CMBL: variants seen among roughly 807,000 people sequenced by gnomAD.
The protein encoded by CMBL is carboxymethylenebutenolidase homolog (Pseudomonas).
CMBL carries 17 observed loss-of-function variants against 28.7 expected under a neutral mutation model. The ratio of observed to expected loss-of-function variants is 0.59; its 90% CI spans 0.41 to 0.89. The LOEUF is 0.89. Ranked by LOEUF, CMBL falls within the 40% of genes least tolerant of loss-of-function variation. CMBL has a pLI of 0.00. For missense variants in CMBL, 310 were observed against 298.5 expected, an observed-to-expected ratio of 1.04 and a Z score of -0.28; for synonymous variants, 106 against 101.6, an observed-to-expected ratio of 1.04 and a Z score of -0.26.
intron 4 of CMBL, among the ~76,000 whole-genome samples, chr5:10,284,412 T>TA: frequency 6.6e-6 from 1 of 152,340 alleles, no homozygotes; most frequent in South Asian, 2.1e-4. Context: ...ATCATTAGTA[T>TA]AACTTTATGA....
At chr5:10,288,399 G>A in intron 3 of CMBL, 23 bp downstream of exon 3, 1 of 1,567,902 alleles carries the variant, frequency 6.4e-7, no homozygotes, top group Non-Finnish European at 8.8e-7. Context: ...ACGTGCACAT[G>A]GCCACGTCTG....
At position 10,290,697 on chromosome 5, in the gene CMBL, G is replaced by T; in HGVS notation, c.66C>A (p.Gly22=). 1 of 1,614,180 alleles carries T rather than the reference G, an allele frequency of 6.2e-7. No homozygotes were observed. The highest frequency in any genetic ancestry group is 8.5e-7 in the Non-Finnish European group (1 of 1,180,048). Reference sequence around the variant, plus strand: ...TGATGTGCTCGACTTGAACTTCACGGCCTAGCCCTCCATACTCAAGTCTGT... The same window carrying T: ...TGATGTGCTCGACTTGAACTTCACGTCCTAGCCCTCCATACTCAAGTCTGT... ...IGHRLEYGGL[G]REVQVEHIKA... is the part of the protein sequence containing the mutation. The change falls in exon 2 of 6, where the codon GGC becomes GGA. Residue 22 remains glycine, a synonymous_variant. Transcript: ENST00000296658.
At chr5:10,304,851 A>G (rs550606466) in intron 1 of CMBL, among the ~76,000 whole-genome samples, 168 of 152,284 alleles carry the variant, frequency 1.1e-3, no homozygotes, top group Non-Finnish European at 1.6e-3. Context: ...TTACAGATCT[A>G]TCAGATCTGC....
At chr5:10,291,609 C>T (rs886594611) in intron 1 of CMBL, among the ~76,000 whole-genome samples, 4 of 151,132 alleles carry the variant, frequency 2.6e-5, no homozygotes, top group African/African-American at 7.3e-5. Flanking sequence ...TGCAGTGAGC[C>T]GAGATCGCGC....
intron 4 of CMBL, among the ~76,000 whole-genome samples, chr5:10,285,918 C>T (rs1280916715): frequency 6.6e-6 from 1 of 151,944 alleles, no homozygotes; most frequent in African/African-American, 2.4e-5. Flanking sequence ...AGGCTGGTCT[C>T]GAACTCCTGA....
chr5:10,282,191 A>G lies in CMBL; in HGVS notation c.558+6T>C, dbSNP rs1036535926. Reference sequence around the variant, plus strand: ...ATAAATACGAAGAGAAAAGATGCCAACTTACGTCCTTGAGTGGAATCACAA... The same window carrying G: ...ATAAATACGAAGAGAAAAGATGCCAGCTTACGTCCTTGAGTGGAATCACAA... On this transcript the variant is annotated splice_donor_region_variant and intron_variant, in intron 5 of 5. Transcript: ENST00000296658. 1.3e-6 allele frequency: 2 copies of G among 1,592,066 alleles called. No individual in the cohort carries two copies. The highest frequency in any genetic ancestry group is 1.3e-5 in the African/African-American group (1 of 74,444).
chr5:10,286,382 T>G lies in CMBL; in HGVS notation c.438A>C (p.Ser146=), dbSNP rs778758411. 70 of 1,614,014 alleles carry G rather than the reference T, an allele frequency of 4.3e-5. No individual in the cohort carries two copies. Among genetic ancestry groups the G allele is most frequent in the Non-Finnish European group, 5.8e-5 (68 of 1,179,994 alleles). Residue 146 remains serine, a synonymous_variant, in exon 4 of 6, where the codon TCA becomes TCC. Coordinates refer to ENST00000296658, the MANE Select transcript of CMBL (RefSeq NM_138809.4). ...AGACGGACACCCCTGCCCTGAATTC[T>G]GAGTATTTCATCATCAAATGATGGA... ...TAVHHLMMKY[S]EFRAGVSVYG... is the part of the protein sequence containing the mutation.
At chr5:10,281,837 C>T (rs1000404757) in intron 5 of CMBL, among the ~76,000 whole-genome samples, 1 of 152,144 alleles carries the variant, frequency 6.6e-6, no homozygotes, top group Non-Finnish European at 1.5e-5. Flanking sequence ...ACTTCCCACT[C>T]CCCGCAGAAT....
intron 1 of CMBL, among the ~76,000 whole-genome samples, chr5:10,296,437 T>C (rs1746811306): frequency 6.6e-6 from 1 of 152,164 alleles, no homozygotes; most frequent in Admixed American, 6.5e-5. Flanking sequence ...AGCACCACCA[T>C]ACCTGGCTAA....
intron 4 of CMBL, among the ~76,000 whole-genome samples, chr5:10,283,334 A>G (rs1177009995): frequency 9.2e-5 from 14 of 152,206 alleles, no homozygotes; most frequent in Non-Finnish European, 1.3e-4. Flanking sequence ...TCAGGTCTAC[A>G]CAAGTCCCAC....
chr5:10,284,210 C>T (rs1018905880), intron 4 of CMBL, among the ~76,000 whole-genome samples: 1 of 152,242 alleles, frequency 6.6e-6, no homozygotes, highest in Non-Finnish European at 1.5e-5. Context: ...CACTCCCGAC[C>T]GCCTTTTGCT....
intron 4 of CMBL, among the ~76,000 whole-genome samples, chr5:10,285,694 C>CTTTTTTT (rs1252497762): frequency 1.1e-5 from 1 of 87,384 alleles, no homozygotes; most frequent in African/African-American, 3.1e-5. Context: ...CTTTCTCTTT[C>CTTTTTTT]TTTTTCTTTT....
intron 3 of CMBL, among the ~76,000 whole-genome samples, chr5:10,286,883 T>C (rs937743370): frequency 6.6e-6 from 1 of 152,188 alleles, no homozygotes; most frequent in Non-Finnish European, 1.5e-5. Flanking sequence ...CTCTGTCCCC[T>C]GAGTCTCCCA....
At chr5:10,304,966 C>G (rs1422525979) in intron 1 of CMBL, among the ~76,000 whole-genome samples, 1 of 152,232 alleles carries the variant, frequency 6.6e-6, no homozygotes, top group Non-Finnish European at 1.5e-5. Flanking sequence ...GCACTTTTTA[C>G]AAATGATGAG....
intron 5 of CMBL, among the ~76,000 whole-genome samples, chr5:10,280,957 A>T (rs1746488862): frequency 6.6e-6 from 1 of 151,966 alleles, no homozygotes; most frequent in African/African-American, 2.4e-5. Flanking sequence ...TATTTTTAGT[A>T]GAGACAGGGT....
chr5:10,280,413 G>C lies in CMBL; in HGVS notation c.*40C>G. ...TCTAACTATTTCCAAGCAAATTTTGGGATGAAAGCTATTCTAGGAAGGCTT... is the reference window on the plus strand; with the variant it reads ...TCTAACTATTTCCAAGCAAATTTTGCGATGAAAGCTATTCTAGGAAGGCTT... On this transcript the variant is annotated 3_prime_UTR_variant, in exon 6 of 6. Transcript: ENST00000296658. 6.8e-7 allele frequency: 1 copy of C among 1,460,862 alleles called. No individual in the cohort carries two copies. The highest frequency in any genetic ancestry group is 9.2e-7 in the Non-Finnish European group (1 of 1,083,266). The allele number at this position is 1,460,862 out of a possible 1,614,324, so 90.5% of individuals were successfully genotyped here.
rs13168213 is a variant in CMBL, at chr5:10,289,391, C to T, written c.216-862G>A. Among the ~76,000 whole-genome samples, 81,726 of 152,046 alleles carry T rather than the reference C, an allele frequency of 0.54. 23,149 individuals carry two copies. The highest frequency in any genetic ancestry group is 0.64 in the Non-Finnish European group (43,346 of 67,964). On this transcript the variant is annotated intron_variant, in intron 2 of 5. Transcript: ENST00000296658. This position sits in a 1 kb window ranked among gnomAD's most constrained non-coding sequence, Gnocchi z 4.3. ...ATACCTGTGAAAGGGCTTTGTAAAA[C>T]AGGGGTCTTTCCTTATCTTTTATGT...
At chr5:10,294,069 A>G (rs1034856369) in intron 1 of CMBL, among the ~76,000 whole-genome samples, 5 of 152,164 alleles carry the variant, frequency 3.3e-5, no homozygotes, top group Non-Finnish European at 5.9e-5. Context: ...CAGAACAAAC[A>G]GCAAGTGCAA....
At chr5:10,306,009 C>A (rs767410728) in intron 1 of CMBL, among the ~76,000 whole-genome samples, 1 of 152,188 alleles carries the variant, frequency 6.6e-6, no homozygotes, top group Non-Finnish European at 1.5e-5. Context: ...GCCTATTTCT[C>A]TCTTTAATGA....
Sources: gnomAD v4.1 joint callset for allele counts (sites outside exome capture counted in the v4.1 genomes callset) on GRCh38, gnomAD v4.1.1 for gene constraint, Gnocchi (gnomAD v3.1) non-coding constraint, MANE v1.5 for transcripts, NCBI Gene and HGNC (gene_info 2026-07-23, HGNC 2026-07-21) for gene names.